MOCS2: variants seen among roughly 807,000 people sequenced by gnomAD.
MOCS2 encodes molybdenum cofactor synthesis 2, also known as molybdopterin synthase catalytic subunit.
MOCS2 carries 13 observed loss-of-function variants against 21.9 expected under a neutral mutation model. The observed-to-expected ratio is 0.59, with a 90% CI of 0.39 to 0.94. MOCS2 has a LOEUF of 0.94. Ranked by LOEUF, MOCS2 falls within the 40% of genes least tolerant of loss-of-function variation. MOCS2 has a pLI of 0.00. For missense variants in MOCS2, 227 were observed against 218.3 expected (o/e 1.04, Z -0.25); for synonymous variants, 92 against 80.8 (o/e 1.14, Z -0.74).
At chr5:53,107,262 A>T in intron 2 of MOCS2, 41 bp from the exon 3 acceptor site, 2 of 1,570,882 alleles carry the variant, frequency 1.3e-6, no homozygotes, top group Non-Finnish European at 1.7e-6. Flanking sequence ...CAACGCTATG[A>T]TAGACCTCAA....
At chr5:53,102,373 A>G in intron 3 of MOCS2, 149 bp from the exon 4 acceptor site, 1 of 784,822 alleles carries the variant, frequency 1.3e-6, no homozygotes, top group Non-Finnish European at 2.0e-6. Flanking sequence ...ACATGAGTCA[A>G]ATCAAGGACA....
chr5:53,102,033 G>A, intron 4 of MOCS2, 64 bp downstream of exon 4: 4 of 1,546,322 alleles, frequency 2.6e-6, no homozygotes, highest in Non-Finnish European at 3.6e-6. Context: ...CACTGAACAT[G>A]GAAAGCACAT....
chr5:53,101,565 AAAAG>A (rs1341019294), intron 4 of MOCS2, 56 bp from the exon 5 acceptor site: 2 of 1,247,964 alleles, frequency 1.6e-6, no homozygotes, highest in Non-Finnish European at 2.3e-6. Flanking sequence ...TTTTCCCTAC[AAAAG>A]AAATAGCACG....
At chr5:53,102,359 G>C in intron 3 of MOCS2, 135 bp from the exon 4 acceptor site, 1 of 853,964 alleles carries the variant, frequency 1.2e-6, no homozygotes, top group Non-Finnish European at 1.8e-6. Flanking sequence ...ACAAAATATA[G>C]TTTACATGAG....
At chr5:53,100,041 C>T (rs927069610) in intron 6 of MOCS2, among the ~76,000 whole-genome samples, 1 of 152,122 alleles carries the variant, frequency 6.6e-6, no homozygotes, top group African/African-American at 2.4e-5. Flanking sequence ...GGAAAAGCCT[C>T]TTTCACTTTA....
At chr5:53,101,946 C>G (rs1176254213) in intron 4 of MOCS2, 151 bp downstream of exon 4, 1 of 765,418 alleles carries the variant, frequency 1.3e-6, no homozygotes, top group African/African-American at 1.8e-5. Context: ...TAAAACAAAA[C>G]AAGAACTAAA....
Position 53,102,059 on chromosome 5 carries a change from C to A in MOCS2, c.226+38G>T, listed in dbSNP as rs555343731. 10 of 1,601,806 alleles carry A rather than the reference C, an allele frequency of 6.2e-6. No individual in the cohort carries two copies. The South Asian group carries it at 9.9e-5, about 16-fold the overall frequency. The stretch of plus-strand genomic sequence containing the variant: ...GAAAGCACATGCTAATTTCTATTGT[C>A]TTATACAGTGATAGATGCAATGAAA... On this transcript the variant is annotated intron_variant, in intron 4 of 6. Transcript: ENST00000396954.
intron 3 of MOCS2, among the ~76,000 whole-genome samples, chr5:53,103,158 T>C (rs1318467646): frequency 6.6e-6 from 1 of 152,068 alleles, no homozygotes; most frequent in Non-Finnish European, 1.5e-5. Flanking sequence ...TAAGCAAGTG[T>C]AAAAATTAAC....
In MOCS2 at chr5:53,098,358, T is replaced by C. The variant is rs543128928; in HGVS notation, c.*244A>G. 1.1e-5 allele frequency: 6 copies of C among 540,546 alleles called. No individual in the cohort carries two copies. The highest frequency in any genetic ancestry group is 7.6e-5 in the African/African-American group (4 of 52,688). 33.5% of individuals were successfully genotyped at this position (540,546 alleles called of 1,614,324 possible). A position where few individuals can be genotyped will look rare whatever the true frequency, so the allele number is the denominator to read the frequency against. ...TGGAAGGACATGTCTACCACAGATATCTTTCCTCACATTTAAATTATTCCA... is the reference window on the plus strand; with the variant it reads ...TGGAAGGACATGTCTACCACAGATACCTTTCCTCACATTTAAATTATTCCA... On this transcript the variant is annotated 3_prime_UTR_variant, in exon 7 of 7. Transcript: ENST00000396954.
At chr5:53,106,893 CTT>C (rs914618603) in intron 3 of MOCS2, among the ~76,000 whole-genome samples, 182 bp downstream of exon 3, 7 of 152,116 alleles carry the variant, frequency 4.6e-5, no homozygotes, top group Non-Finnish European at 8.8e-5. Flanking sequence ...TTACAATAGA[CTT>C]GATGCAGAAA....
Position 53,102,665 on chromosome 5 carries a change from T to G in MOCS2, c.99-441A>C, listed in dbSNP as rs543889166. Among the ~76,000 whole-genome samples, 619 of 144,998 alleles carry G rather than the reference T, an allele frequency of 4.3e-3. 1 individual carries two copies. The highest frequency in any genetic ancestry group is 7.1e-3 in the Non-Finnish European group (467 of 65,472). On this transcript the variant is annotated intron_variant, in intron 3 of 6. Coordinates refer to ENST00000396954, the MANE Select transcript of MOCS2 (RefSeq NM_004531.5). ...TCTGCAGCCCTCATAATAAGTGGCTTCAAGGGACCAGTGGCTCACACCTGT... is the reference window on the plus strand; with the variant it reads ...TCTGCAGCCCTCATAATAAGTGGCTGCAAGGGACCAGTGGCTCACACCTGT...
chr5:53,104,579 T>C (rs1741001229), intron 3 of MOCS2, among the ~76,000 whole-genome samples: 1 of 152,178 alleles, frequency 6.6e-6, no homozygotes, highest in Admixed American at 6.5e-5. Flanking sequence ...AGCATTGAGA[T>C]ACATATCTGA....
chr5:53,109,692 C>A lies in MOCS2; in HGVS notation c.-611G>T. ...GGAGGGCTCCGCACCCAGGCCCGCA[C>A]GCACACCCGCCACCCTTACCTGGCA... On this transcript the variant is annotated 5_prime_UTR_variant, in exon 1 of 7. Coordinates refer to ENST00000396954, the MANE Select transcript of MOCS2 (RefSeq NM_004531.5). 3.2e-6 allele frequency: 5 copies of A among 1,552,310 alleles called. No individual in the cohort carries two copies. Among genetic ancestry groups the A allele is most frequent in the South Asian group, 1.2e-5 (1 of 84,134 alleles).
intron 3 of MOCS2, among the ~76,000 whole-genome samples, chr5:53,104,323 C>T (rs773792417): frequency 8.5e-5 from 13 of 152,112 alleles, no homozygotes; most frequent in Non-Finnish European, 1.6e-4. Flanking sequence ...TCTGATTTTA[C>T]GAGACTACTA....
intron 3 of MOCS2, among the ~76,000 whole-genome samples, chr5:53,104,223 TAA>T (rs1407904640): frequency 6.6e-6 from 1 of 152,198 alleles, no homozygotes; most frequent in Non-Finnish European, 1.5e-5. Flanking sequence ...ACAAGCCGCC[TAA>T]GTGTCTTCCA....
Position 53,109,344 on chromosome 5 carries a change from C to A in MOCS2, c.-263G>T, listed in dbSNP as rs77585010. 0.13 allele frequency: 144,339 copies of A among 1,094,940 alleles called. 9,757 individuals carry two copies. The highest frequency in any genetic ancestry group is 0.18 in the African/African-American group (10,733 of 60,934). The allele number at this position is 1,094,940 out of a possible 1,614,324, so 67.8% of individuals were successfully genotyped here. A position where few individuals can be genotyped will look rare whatever the true frequency, so the allele number is the denominator to read the frequency against. On this transcript the variant is annotated 5_prime_UTR_variant, in exon 1 of 7. Transcript: ENST00000396954. ...TCCACAGATGAAGCACAGTTCTTCACAAGAATTCTCCATGAGGTGCATTTC... is the reference window on the plus strand; with the variant it reads ...TCCACAGATGAAGCACAGTTCTTCAAAAGAATTCTCCATGAGGTGCATTTC...
Position 53,109,344 on chromosome 5 carries a change from C to G in MOCS2, c.-263G>C, listed in dbSNP as rs77585010. The G allele has an allele frequency of 1.1e-5, 12 of 1,095,484 alleles. No individual in the cohort carries two copies. In the East Asian group the frequency reaches 1.7e-4, roughly 15 times the overall value. The allele number at this position is 1,095,484 out of a possible 1,614,324, so 67.9% of individuals were successfully genotyped here. On this transcript the variant is annotated 5_prime_UTR_variant, in exon 1 of 7. Transcript: ENST00000396954. ...TCCACAGATGAAGCACAGTTCTTCA[C>G]AAGAATTCTCCATGAGGTGCATTTC...
Position 53,107,094 on chromosome 5 carries a change from A to G in MOCS2, c.81T>C (p.Ser27=). 1 of 1,614,126 alleles carries G rather than the reference A, an allele frequency of 6.2e-7. No individual in the cohort carries two copies. Among genetic ancestry groups the G allele is most frequent in the Non-Finnish European group, 8.5e-7 (1 of 1,180,000 alleles). ...TCACATACCTAGATGGCTCAAAAGC[A>G]CTATCCTCCACTAATGGGGGGGATA... ...LPLSPPLVED[S]AFEPSRKDMD... The change falls in exon 3 of 7, where the codon AGT becomes AGC. Residue 27 remains serine, a synonymous_variant. Transcript: ENST00000396954.
Position 53,109,677 on chromosome 5 carries a change from G to A in MOCS2, c.-596C>T, listed in dbSNP as rs1741156160. On this transcript the variant is annotated 5_prime_UTR_variant, in exon 1 of 7. Coordinates refer to ENST00000396954, the MANE Select transcript of MOCS2 (RefSeq NM_004531.5). ...GGAGAGACACGTCGAGGAGGGCTCC[G>A]CACCCAGGCCCGCACGCACACCCGC... The A allele has an allele frequency of 6.4e-7, 1 of 1,551,474 alleles. No homozygotes were observed.
Sources: allele counts gnomAD v4.1 joint callset (sites outside exome capture counted in the v4.1 genomes callset), GRCh38; gene constraint gnomAD v4.1.1; transcripts MANE v1.5; gene names NCBI Gene and HGNC (gene_info 2026-07-23, HGNC 2026-07-21).